Variants in SLCO3A1 observed in about 807,000 individuals in gnomAD.
SLCO3A1 encodes the protein solute carrier organic anion transporter family member 3A1, also known as PGE1 transporter.
SLCO3A1 carries 27 observed loss-of-function variants against 63.1 expected under a neutral mutation model. That is an observed-to-expected ratio of 0.43 (90% CI 0.32 to 0.59). The LOEUF (loss-of-function observed/expected upper bound fraction) is 0.59, where lower values mean the gene tolerates loss of function less well. Ranked by LOEUF, SLCO3A1 falls within the 20% of genes least tolerant of loss-of-function variation. The probability of loss-of-function intolerance (pLI) is 0.09; values close to 1 mark genes in which losing one functional copy is unlikely to be tolerated. For missense variants in SLCO3A1, 773 were observed against 945.8 expected (o/e 0.82, Z 2.40); for synonymous variants, 473 against 409.9 (o/e 1.15, Z -1.86).
intron 4 of SLCO3A1, among the ~76,000 whole-genome samples, chr15:92,119,619 G>A (rs1231708027): frequency 6.6e-6 from 1 of 152,184 alleles, no homozygotes; most frequent in Non-Finnish European, 1.5e-5. Context: ...CTGGGTGCAG[G>A]CGAGAAACAG....
At chr15:91,971,748 T>C (rs1257076060) in intron 2 of SLCO3A1, among the ~76,000 whole-genome samples, 2 of 152,076 alleles carry the variant, frequency 1.3e-5, no homozygotes, top group Non-Finnish European at 2.9e-5. Context: ...TGGTGATGAG[T>C]TGATGAAAAT....
intron 5 of SLCO3A1, among the ~76,000 whole-genome samples, chr15:92,122,544 G>T (rs11632723): frequency 2.6e-5 from 4 of 151,902 alleles, no homozygotes; most frequent in African/African-American, 9.7e-5. Context: ...TCGCATACTT[G>T]GCCAGTGGGA....
At chr15:92,038,742 G>GA (rs908866444) in intron 2 of SLCO3A1, among the ~76,000 whole-genome samples, 9 of 152,064 alleles carry the variant, frequency 5.9e-5, no homozygotes, top group African/African-American at 1.9e-4. Context: ...CATAGAATTC[G>GA]AAAAAAACTA....
intron 2 of SLCO3A1, among the ~76,000 whole-genome samples, chr15:91,938,550 G>T (rs1899502877): frequency 1.3e-5 from 2 of 148,818 alleles, no homozygotes. Flanking sequence ...TATCATTACA[G>T]TAGCTTTTTC....
chr15:92,040,511 G>T (rs1296292735), intron 2 of SLCO3A1, among the ~76,000 whole-genome samples: 1 of 152,164 alleles, frequency 6.6e-6, no homozygotes, highest in Non-Finnish European at 1.5e-5. Context: ...CAAGTTCCAG[G>T]CCCAGGAAAT....
At chr15:92,040,043 G>T (rs1183828227) in intron 2 of SLCO3A1, among the ~76,000 whole-genome samples, 1 of 152,084 alleles carries the variant, frequency 6.6e-6, no homozygotes, top group Non-Finnish European at 1.5e-5. Flanking sequence ...ACCAGGGCCA[G>T]TTGGAGGCTT....
intron 2 of SLCO3A1, among the ~76,000 whole-genome samples, chr15:92,049,520 A>AT (rs2046931619): frequency 6.6e-6 from 1 of 152,146 alleles, no homozygotes; most frequent in African/African-American, 2.4e-5. Context: ...TGGGACAAAG[A>AT]TTTTACCAAC....
At chr15:91,902,927 T>C (rs1240888455) in intron 1 of SLCO3A1, among the ~76,000 whole-genome samples, 1 of 152,232 alleles carries the variant, frequency 6.6e-6, no homozygotes, top group Non-Finnish European at 1.5e-5. Context: ...AAATTCGAAA[T>C]AATAATAGTA....
At chr15:92,142,441 G>A (rs1234347175) in intron 7 of SLCO3A1, among the ~76,000 whole-genome samples, 1 of 152,132 alleles carries the variant, frequency 6.6e-6, no homozygotes, top group African/African-American at 2.4e-5. Flanking sequence ...TGGTGGGAGG[G>A]GCAAGGCAGT....
chr15:91,869,905 A>G (rs1567164152), intron 1 of SLCO3A1, among the ~76,000 whole-genome samples: 1 of 152,170 alleles, frequency 6.6e-6, no homozygotes, highest in Non-Finnish European at 1.5e-5. Flanking sequence ...GTCCCTGCAG[A>G]TGCTCACCTG....
intron 9 of SLCO3A1, among the ~76,000 whole-genome samples, chr15:92,159,036 A>T (rs2048405144): frequency 6.6e-6 from 1 of 152,198 alleles, no homozygotes; most frequent in Non-Finnish European, 1.5e-5. Flanking sequence ...GCATGGCAAG[A>T]TCAGACCCTT....
chr15:92,132,971 C>G lies in SLCO3A1; in HGVS notation c.1512+4482C>G, dbSNP rs752313535. ...CCATGCATCAGTATTTTTTTAACCT[C>G]CTCAAGTGTTTTTGATTTGTAACCA... On this transcript the variant is annotated intron_variant, in intron 7 of 9. Transcript: ENST00000318445. Among the ~76,000 whole-genome samples, 14 of 145,932 alleles carry G rather than the reference C, an allele frequency of 9.6e-5. 1 individual carries two copies. Among genetic ancestry groups the G allele is most frequent in the Non-Finnish European group, 1.7e-4 (11 of 65,168 alleles).
At position 91,932,475 on chromosome 15, in the gene SLCO3A1, T is replaced by G. The variant is rs1008761243; in HGVS notation, c.646+16017T>G. Among the ~76,000 whole-genome samples the G allele has an allele frequency of 3.9e-5, 6 of 152,242 alleles. No homozygotes were observed. The East Asian group carries it at 1.2e-3, about 29-fold the overall frequency. The stretch of plus-strand genomic sequence containing the variant: ...AGTTTTTTTTTTTTGAGACAGGGTC[T>G]TGCTCTATTGCCCAGGCTGGAGTGC... On this transcript the variant is annotated intron_variant, in intron 2 of 9. Transcript: ENST00000318445.
intron 2 of SLCO3A1, among the ~76,000 whole-genome samples, chr15:92,036,949 G>C (rs183592243): frequency 6.6e-6 from 1 of 152,092 alleles, no homozygotes; most frequent in Non-Finnish European, 1.5e-5. Flanking sequence ...TGTTTCCTGG[G>C]ACCAGCTCCA....
chr15:92,130,065 C>T (rs1256558590), intron 7 of SLCO3A1, among the ~76,000 whole-genome samples: 2 of 152,164 alleles, frequency 1.3e-5, no homozygotes, highest in Non-Finnish European at 2.9e-5. Context: ...AAATCAGTCT[C>T]GGTTATTGTC....
At chr15:92,152,566 C>G (rs2048320459) in intron 9 of SLCO3A1, among the ~76,000 whole-genome samples, 1 of 152,156 alleles carries the variant, frequency 6.6e-6, no homozygotes, top group Admixed American at 6.5e-5. Context: ...GCAGAAATAC[C>G]AAGGCAGAGT....
At position 91,968,707 on chromosome 15, in the gene SLCO3A1, C is replaced by T. The variant is rs143413232; in HGVS notation, c.646+52249C>T. Reference sequence around the variant, plus strand: ...TGCACACGCAGACCCGCAAGCACAGCCTTCGCACGTGTGCTCACACAGCCG... The same window carrying T: ...TGCACACGCAGACCCGCAAGCACAGTCTTCGCACGTGTGCTCACACAGCCG... On this transcript the variant is annotated intron_variant, in intron 2 of 9. Coordinates refer to ENST00000318445, the MANE Select transcript of SLCO3A1 (RefSeq NM_013272.4). This position sits in a 1 kb window ranked among gnomAD's most constrained non-coding sequence, Gnocchi z 4.2. Among the ~76,000 whole-genome samples, 74 of 152,336 alleles carry T rather than the reference C, an allele frequency of 4.9e-4. No homozygotes were observed. In the East Asian group the frequency reaches 0.012, roughly 25 times the overall value.
At chr15:92,148,081 G>T (rs949818314) in intron 8 of SLCO3A1, among the ~76,000 whole-genome samples, 2 of 152,334 alleles carry the variant, frequency 1.3e-5, no homozygotes, top group Non-Finnish European at 2.9e-5. Flanking sequence ...GTTGGCACAT[G>T]CTTGTAATCC....
chr15:91,978,999 A>G (rs1237312025), intron 2 of SLCO3A1, among the ~76,000 whole-genome samples: 1 of 152,230 alleles, frequency 6.6e-6, no homozygotes, highest in Non-Finnish European at 1.5e-5. Context: ...TTGGTTTGCC[A>G]TTCTCAATTC....
Sources: allele counts gnomAD v4.1 joint callset (sites outside exome capture counted in the v4.1 genomes callset), GRCh38; gene constraint gnomAD v4.1.1; non-coding constraint Gnocchi (gnomAD v3.1); transcripts MANE v1.5; gene names NCBI Gene and HGNC (gene_info 2026-07-23, HGNC 2026-07-21).